Variants in MACROH2A1 observed in about 807,000 individuals in gnomAD.
The protein encoded by MACROH2A1 is core histone macro-H2A.1.
In MACROH2A1, 2 loss-of-function variants were observed where a neutral mutation model predicts 31.6. That is an observed-to-expected ratio of 0.06 (90% CI 0.03 to 0.20). The LOEUF (loss-of-function observed/expected upper bound fraction) is 0.20. MACROH2A1 is among the 10% of genes least tolerant of loss of function. The pLI, the probability that MACROH2A1 is intolerant of heterozygous loss-of-function variation, is 1.00. For missense variants in MACROH2A1, 230 were observed against 474.0 expected (o/e 0.49, Z 4.78); for synonymous variants, 169 against 189.6 (o/e 0.89, Z 0.89).
intron 6 of MACROH2A1, 37 bp from the exon 7 acceptor site, chr5:135,346,094 G>T: frequency 8.0e-7 from 1 of 1,252,934 alleles, no homozygotes; most frequent in Non-Finnish European, 1.2e-6. Context: ...TTGCCATTCT[G>T]TGTCTCCGGC....
At position 135,383,078 on chromosome 5, in the gene MACROH2A1, G is replaced by T. The variant is rs578199424; in HGVS notation, c.172+5844C>A. 1.8e-4 allele frequency among the ~76,000 whole-genome samples: 27 copies of T among 152,332 alleles called. No homozygotes were observed. The South Asian group carries it at 5.6e-3, about 32-fold the overall frequency. On this transcript the variant is annotated intron_variant, in intron 2 of 8. Coordinates refer to ENST00000511689, the MANE Select transcript of MACROH2A1 (RefSeq NM_138610.3). ...AAACCCTGAGGCCTGACCCACTTGG[G>T]TCTGTTAACTTGCTGGCCATATAAT... is the stretch of plus-strand genomic sequence containing the variant.
At chr5:135,381,935 T>C (rs990818343) in intron 2 of MACROH2A1, among the ~76,000 whole-genome samples, 1 of 152,348 alleles carries the variant, frequency 6.6e-6, no homozygotes, top group East Asian at 1.9e-4. Flanking sequence ...CTGAAAACTT[T>C]ATAGATGTGA....
At chr5:135,374,619 GT>G (rs1764614547) in intron 2 of MACROH2A1, among the ~76,000 whole-genome samples, 2 of 152,212 alleles carry the variant, frequency 1.3e-5, no homozygotes, top group South Asian at 4.1e-4. Context: ...AAGGGGGAGG[GT>G]GGGTTCTTGC....
chr5:135,357,867 C>T (rs1251930771), intron 5 of MACROH2A1: 1 of 985,178 alleles, frequency 1.0e-6, no homozygotes, highest in African/African-American at 1.7e-5. Context: ...GGCTCCTAAG[C>T]CTGGGCCATG....
intron 8 of MACROH2A1, chr5:135,337,861 G>A: frequency 7.3e-6 from 6 of 825,470 alleles, no homozygotes; most frequent in Non-Finnish European, 9.1e-6. Context: ...AGGGTTGTTG[G>A]TGGGTGAACA....
rs1763912066 is a variant in MACROH2A1 at position 135,369,384 on chromosome 5, A to C, written c.477+22T>G. The C allele has an allele frequency of 6.2e-7, 1 of 1,600,740 alleles. No individual in the cohort carries two copies. Among genetic ancestry groups the C allele is most frequent in the Non-Finnish European group, 8.6e-7 (1 of 1,167,960 alleles). On this transcript the variant is annotated intron_variant, in intron 4 of 8. Transcript: ENST00000511689. This position sits in a 1 kb window ranked among gnomAD's most constrained non-coding sequence, Gnocchi z 4.3. ...CGTACCCCATCCTATCCCACTTCAT[A>C]CATTCTGGCCAAATCACATACCTTG...
chr5:135,337,889 C>T, intron 8 of MACROH2A1: 1 of 1,023,014 alleles, frequency 9.8e-7, no homozygotes, highest in Non-Finnish European at 1.2e-6. Context: ...GGATTTGTTT[C>T]CAGGACAACC....
intron 6 of MACROH2A1, among the ~76,000 whole-genome samples, chr5:135,349,331 T>C (rs1761233283): frequency 1.3e-5 from 2 of 152,158 alleles, no homozygotes; most frequent in Admixed American, 1.3e-4. Context: ...TCATTTGGTT[T>C]AAAAAGGAAG....
chr5:135,389,357 C>G, intron 1 of MACROH2A1: 1 of 335,588 alleles, frequency 3.0e-6, no homozygotes, highest in Non-Finnish European at 5.4e-6. Flanking sequence ...ACTTAAGTGC[C>G]TTGCCATTAT....
At chr5:135,389,547 G>A (rs919947803) in intron 1 of MACROH2A1, among the ~76,000 whole-genome samples, 4 of 152,204 alleles carry the variant, frequency 2.6e-5, no homozygotes, top group Admixed American at 2.6e-4. Context: ...TAGATTCTCT[G>A]ATGAAAGCAG....
chr5:135,378,927 A>T (rs1765275571), intron 2 of MACROH2A1, among the ~76,000 whole-genome samples: 1 of 152,164 alleles, frequency 6.6e-6, no homozygotes, highest in African/African-American at 2.4e-5. Context: ...GGTGGGAGTG[A>T]AAGGGCAAGA....
At chr5:135,368,660 AC>A (rs1400314370) in intron 4 of MACROH2A1, among the ~76,000 whole-genome samples, 7 of 152,230 alleles carry the variant, frequency 4.6e-5, no homozygotes, top group African/African-American at 1.7e-4. Context: ...GACAAGTAGG[AC>A]TGGGCAAAGA....
intron 6 of MACROH2A1, among the ~76,000 whole-genome samples, chr5:135,349,707 C>T (rs1334085290): frequency 6.6e-6 from 1 of 152,194 alleles, no homozygotes; most frequent in Admixed American, 6.5e-5. Flanking sequence ...TAACCATTCT[C>T]TTTGGAAGCT....
intron 6 of MACROH2A1, chr5:135,351,009 G>T: frequency 1.3e-6 from 1 of 792,386 alleles, no homozygotes. Flanking sequence ...TGGCCTACCT[G>T]GTCGATTCCA....
chr5:135,334,931 C>T lies in MACROH2A1; in HGVS notation c.*45G>A. The T allele has an allele frequency of 1.3e-6, 2 of 1,524,356 alleles. No individual in the cohort carries two copies. Among genetic ancestry groups the T allele is most frequent in the Admixed American group, 3.8e-5 (2 of 53,098 alleles). The allele number at this position is 1,524,356 out of a possible 1,614,324, so 94.4% of individuals were successfully genotyped here. A position where few individuals can be genotyped will look rare whatever the true frequency, so the allele number is the denominator to read the frequency against. ...AAGGGGATTTTTTTTTTCTTTTAAA[C>T]TGAAGGTGGGGTACATGGTGCAGCT... On this transcript the variant is annotated 3_prime_UTR_variant, in exon 9 of 9. Transcript: ENST00000511689.
Position 135,335,037 on chromosome 5 carries a change from A to T in MACROH2A1, c.1058T>A (p.Leu353His). 1 of 1,614,056 alleles carries T rather than the reference A, an allele frequency of 6.2e-7. No individual in the cohort carries two copies. Among genetic ancestry groups the T allele is most frequent in the Non-Finnish European group, 8.5e-7 (1 of 1,179,862 alleles). The change falls in exon 9 of 9, where the codon CTT becomes CAT. Residue 353 changes from leucine to histidine, a missense_variant. Transcript: ENST00000511689. ...GATGCCTATACTCTCGCTGTCAAAA[A>T]GCACGAAGTACACCGTTTTGATGGA... ...SSSIKTVYFVLFDSESIGIYV... is the reference protein window; with the variant it reads ...SSSIKTVYFVHFDSESIGIYV...
At chr5:135,377,670 C>T (rs747659833) in intron 2 of MACROH2A1, among the ~76,000 whole-genome samples, 1 of 152,174 alleles carries the variant, frequency 6.6e-6, no homozygotes, top group Non-Finnish European at 1.5e-5. Flanking sequence ...TGCTCTACTC[C>T]CTTTTGTGCT....
intron 4 of MACROH2A1, chr5:135,360,818 G>C (rs1762752263): frequency 2.9e-6 from 2 of 682,844 alleles, no homozygotes; most frequent in Non-Finnish European, 5.3e-6. Flanking sequence ...ATCACTTTAT[G>C]ATCGTAAAAA....
chr5:135,336,533 C>A (rs921166420), intron 8 of MACROH2A1, among the ~76,000 whole-genome samples: 1 of 94,560 alleles, frequency 1.1e-5, no homozygotes, highest in African/African-American at 7.8e-5. Flanking sequence ...GAGCAGCCAG[C>A]GCATACAACT....
Sources: allele counts gnomAD v4.1 joint callset (sites outside exome capture counted in the v4.1 genomes callset), GRCh38; gene constraint gnomAD v4.1.1; non-coding constraint Gnocchi (gnomAD v3.1); transcripts MANE v1.5; gene names NCBI Gene and HGNC (gene_info 2026-07-23, HGNC 2026-07-21).